Variants in PCDHGB2 observed in about 807,000 individuals in gnomAD.
PCDHGB2 encodes the protein protocadherin gamma-B2.
In PCDHGB2, 55 loss-of-function variants were observed where a neutral mutation model predicts 59.3. The observed-to-expected ratio is 0.93, with a 90% CI of 0.75 to 1.16. PCDHGB2 has a LOEUF of 1.16. Among genes scored for constraint, PCDHGB2 ranks in the 50% most tolerant of loss-of-function variants. PCDHGB2 has a pLI of 0.00. For synonymous variants in PCDHGB2, 516 were observed against 512.0 expected, an observed-to-expected ratio of 1.01 and a Z score of -0.11; for missense variants, 1,228 against 1,198.5, an observed-to-expected ratio of 1.02 and a Z score of -0.36.
chr5:141,425,177 GGAATTCCAAACTGA>G (rs2096860295), intron 1 of PCDHGB2, among the ~76,000 whole-genome samples: 1 of 152,036 alleles, frequency 6.6e-6, no homozygotes, highest in South Asian at 2.1e-4. Flanking sequence ...TTATACTTGT[GGAATTCCAAACTGA>G]GAAAAATGAT....
At chr5:141,403,266 A>G in intron 1 of PCDHGB2, 11 of 1,613,858 alleles carry the variant, frequency 6.8e-6, no homozygotes, top group Non-Finnish European at 9.3e-6. Context: ...TGTCTGGTGA[A>G]CTTTAAAGTC....
intron 1 of PCDHGB2, among the ~76,000 whole-genome samples, chr5:141,435,043 C>T (rs2097739230): frequency 1.3e-5 from 2 of 151,658 alleles, no homozygotes; most frequent in African/African-American, 2.4e-5. Flanking sequence ...ATTTTTTTCC[C>T]ATTGACCATG....
Position 141,487,266 on chromosome 5 carries a change from T to A in PCDHGB2, c.2422-7541T>A. The stretch of plus-strand genomic sequence containing the variant: ...ACCCTCTACTTGGCTGTGTCCCTAG[T>A]GGCAATTTGCTTTGTCTCCTTTGGC... On this transcript the variant is annotated intron_variant, in intron 1 of 3. Transcript: ENST00000522605. This position sits in a 1 kb window ranked among gnomAD's most constrained non-coding sequence, Gnocchi z 5.0. The A allele has an allele frequency of 1.2e-6, 2 of 1,614,172 alleles. No homozygotes were observed. Among genetic ancestry groups the A allele is most frequent in the Non-Finnish European group, 8.5e-7 (1 of 1,180,036 alleles).
intron 1 of PCDHGB2, chr5:141,378,539 A>G (rs891154115): frequency 5.3e-5 from 8 of 152,296 alleles, no homozygotes; most frequent in African/African-American, 1.9e-4. Flanking sequence ...TAATAATGAT[A>G]ATTAATAAAT....
intron 1 of PCDHGB2, chr5:141,374,609 A>T (rs1189289267): frequency 1.9e-6 from 3 of 1,613,652 alleles, no homozygotes; most frequent in Non-Finnish European, 2.5e-6. Context: ...CAGTGGTAAT[A>T]GTCACTTCTC....
At chr5:141,389,462 C>G in intron 1 of PCDHGB2, 1 of 1,613,316 alleles carries the variant, frequency 6.2e-7, no homozygotes, top group East Asian at 2.2e-5. Flanking sequence ...TGCGCGCCTT[C>G]GAACTCACAC....
intron 1 of PCDHGB2, chr5:141,387,998 C>T: frequency 6.7e-7 from 1 of 1,485,204 alleles, no homozygotes; most frequent in South Asian, 1.3e-5. Flanking sequence ...ACAGGATTCC[C>T]GAGGAAATGC....
chr5:141,373,190 A>G (rs746967409), intron 1 of PCDHGB2, among the ~76,000 whole-genome samples: 1 of 152,254 alleles, frequency 6.6e-6, no homozygotes, highest in Non-Finnish European at 1.5e-5. Flanking sequence ...ATGAAACATT[A>G]TGTATATCTT....
rs1761587141 is a variant in PCDHGB2 at position 141,360,419 on chromosome 5, T to C, written c.284T>C (p.Ile95Thr). The C allele has an allele frequency of 1.2e-6, 2 of 1,613,968 alleles. No individual in the cohort carries two copies. The highest frequency in any genetic ancestry group is 4.5e-5 in the East Asian group (2 of 44,870). ...AGTGACAGAATAGACCGAGAACAGA[T>C]ATGCGGGAAGCAGCCTCTGTGTGTT... ...LVSDRIDREQ[I>T]CGKQPLCVLD... is the part of the protein sequence containing the mutation. Residue 95 changes from isoleucine to threonine, a missense_variant, in exon 1 of 4, where the codon ATA (isoleucine) becomes ACA (threonine). By Grantham distance (89) the Ile-to-Thr change is moderately conservative (BLOSUM62 -1). Around this residue, in one of 3 missense-constraint regions of PCDHGB2, gnomAD observed 781 missense variants for 721.6 expected, o/e 1.08. Transcript: ENST00000522605.
chr5:141,427,606 G>A (rs965315804), intron 1 of PCDHGB2: 2 of 688,192 alleles, frequency 2.9e-6, no homozygotes, highest in African/African-American at 3.5e-5. Flanking sequence ...CTACGCATTG[G>A]TGAAGTCAAC....
At chr5:141,380,965 A>G (rs575114972) in intron 1 of PCDHGB2, among the ~76,000 whole-genome samples, 2 of 152,370 alleles carry the variant, frequency 1.3e-5, no homozygotes, top group Admixed American at 1.3e-4. Context: ...CAAAAGTACT[A>G]TTAAACAAAT....
Position 141,361,812 on chromosome 5 carries a change from G to A in PCDHGB2, c.1677G>A (p.Ala559=), listed in dbSNP as rs748753973. ...TAGTGGGCGACCTCAATGACAATGC[G>A]CCACGGGTGCTGTACCCCGCGCTGG... ...RVLVGDLNDN[A]PRVLYPALGP... is the part of the protein sequence containing the mutation. Residue 559 remains alanine, a synonymous_variant, in exon 1 of 4, where the codon GCG becomes GCA. Coordinates refer to ENST00000522605, the MANE Select transcript of PCDHGB2 (RefSeq NM_018923.3). 1.9e-6 allele frequency: 3 copies of A among 1,613,072 alleles called. No individual in the cohort carries two copies. The highest frequency in any genetic ancestry group is 1.7e-6 in the Non-Finnish European group (2 of 1,179,728).
chr5:141,370,634 A>G, intron 1 of PCDHGB2: 1 of 1,613,970 alleles, frequency 6.2e-7, no homozygotes, highest in South Asian at 1.1e-5. Context: ...TGAGCCCCGA[A>G]AATGGGAACT....
chr5:141,402,850 T>C (rs1447900346), intron 1 of PCDHGB2: 7 of 1,417,624 alleles, frequency 4.9e-6, no homozygotes, highest in Non-Finnish European at 6.5e-6. Context: ...TCAGCCTCTT[T>C]CTTCTAAGGA....
At chr5:141,402,212 A>C (rs1282581389) in intron 1 of PCDHGB2, among the ~76,000 whole-genome samples, 1 of 152,138 alleles carries the variant, frequency 6.6e-6, no homozygotes, top group Non-Finnish European at 1.5e-5. Flanking sequence ...ACAAAAATTT[A>C]AAATAAACGT....
At chr5:141,436,105 A>G (rs2097796181) in intron 1 of PCDHGB2, among the ~76,000 whole-genome samples, 2 of 152,198 alleles carry the variant, frequency 1.3e-5, no homozygotes, top group African/African-American at 4.8e-5. Context: ...GAAATAGAGG[A>G]CAATGAAACC....
chr5:141,403,741 T>G, intron 1 of PCDHGB2: 1 of 1,613,906 alleles, frequency 6.2e-7, no homozygotes. Context: ...GGCTGCTTAC[T>G]GCAACAGCCA....
At chr5:141,439,668 A>C (rs944454917) in intron 1 of PCDHGB2, among the ~76,000 whole-genome samples, 1 of 152,230 alleles carries the variant, frequency 6.6e-6, no homozygotes, top group Non-Finnish European at 1.5e-5. Context: ...CATGGAATGC[A>C]AATCCAAGAG....
At chr5:141,399,624 T>C (rs1006867896) in intron 1 of PCDHGB2, 9 of 1,613,898 alleles carry the variant, frequency 5.6e-6, no homozygotes, top group African/African-American at 4.0e-5. Flanking sequence ...CACTGGCCTC[T>C]TACGTGTCCA....
Sources: gnomAD v4.1 joint callset for allele counts (sites outside exome capture counted in the v4.1 genomes callset) on GRCh38, gnomAD v4.1.1 for gene constraint, gnomAD v4.1.1 regional missense constraint, Gnocchi (gnomAD v3.1) non-coding constraint, MANE v1.5 for transcripts, NCBI Gene and HGNC (gene_info 2026-07-23, HGNC 2026-07-21) for gene names.